Variants in TMTC1 observed in about 807,000 individuals in gnomAD.
TMTC1 encodes the protein transmembrane O-mannosyltransferase targeting cadherins 1.
In TMTC1, 73 loss-of-function variants were observed where a neutral mutation model predicts 104.8. That is an observed-to-expected ratio of 0.70 (90% CI 0.58 to 0.85). TMTC1 has a LOEUF of 0.85. Ranked by LOEUF, TMTC1 falls within the 40% of genes least tolerant of loss-of-function variation. The pLI is 0.00. For synonymous variants in TMTC1, 434 were observed against 428.7 expected, an observed-to-expected ratio of 1.01 and a Z score of -0.15; for missense variants, 1,035 against 1,096.1, an observed-to-expected ratio of 0.94 and a Z score of 0.79.
At chr12:29,714,421 G>T (rs535121042) in intron 5 of TMTC1, among the ~76,000 whole-genome samples, 1 of 152,252 alleles carries the variant, frequency 6.6e-6, no homozygotes, top group African/African-American at 2.4e-5. Flanking sequence ...CTTCATTGAG[G>T]ATATTCTTAA....
Position 29,751,845 on chromosome 12 carries a change from G to A in TMTC1, c.759C>T (p.Ser253=), listed in dbSNP as rs1281757720. 1.3e-6 allele frequency: 2 copies of A among 1,588,256 alleles called. No individual in the cohort carries two copies. The highest frequency in any genetic ancestry group is 1.7e-6 in the Non-Finnish European group (2 of 1,167,196). Residue 253 remains serine, a synonymous_variant, in exon 5 of 18, where the codon AGC becomes AGT. Transcript: ENST00000539277. ...GCTGGGGGCTCCCGGGCTGCTGTGG[G>A]CTGCGTGGACAGAGGGCCCCATTGC... ...KSSNGALCPR[S]PQQPGSPQPS...
chr12:29,678,318 A>G (rs915582610), intron 5 of TMTC1, among the ~76,000 whole-genome samples: 2 of 152,202 alleles, frequency 1.3e-5, no homozygotes, highest in African/African-American at 4.8e-5. Context: ...TGAGCACACA[A>G]CTTCTCTGCT....
chr12:29,750,837 T>C (rs918581954), intron 5 of TMTC1, among the ~76,000 whole-genome samples: 2 of 152,210 alleles, frequency 1.3e-5, no homozygotes, highest in African/African-American at 4.8e-5. Context: ...AACTAACCTC[T>C]AACTAGGGAC....
chr12:29,549,699 C>G, intron 10 of TMTC1, among the ~76,000 whole-genome samples: 1 of 152,182 alleles, frequency 6.6e-6, no homozygotes, highest in Admixed American at 6.5e-5. Context: ...TAATATTTCA[C>G]CTTGAATGAC....
intron 5 of TMTC1, among the ~76,000 whole-genome samples, chr12:29,652,784 G>A (rs76001557): frequency 0.032 from 4,860 of 152,284 alleles, 189 homozygotes; most frequent in Middle Eastern, 0.092. Context: ...TATCTTCGCT[G>A]GGCACAGTGG....
At chr12:29,623,842 A>AAAAT (rs1937821255) in intron 6 of TMTC1, among the ~76,000 whole-genome samples, 1 of 152,056 alleles carries the variant, frequency 6.6e-6, no homozygotes, top group Admixed American at 6.6e-5. Context: ...AAATTAAATT[A>AAAAT]AATTAAATTA....
At chr12:29,603,552 A>G (rs888853884) in intron 7 of TMTC1, among the ~76,000 whole-genome samples, 1 of 152,168 alleles carries the variant, frequency 6.6e-6, no homozygotes, top group Admixed American at 6.5e-5. Flanking sequence ...TTCCTGATTC[A>G]GTGACATTTT....
At chr12:29,597,406 C>T (rs1056314836) in intron 7 of TMTC1, among the ~76,000 whole-genome samples, 46 of 151,990 alleles carry the variant, frequency 3.0e-4, no homozygotes, top group African/African-American at 1.0e-3. Context: ...ATCACCTGTT[C>T]CTGCTGCTTA....
chr12:29,557,079 A>T, intron 9 of TMTC1, 79 bp from the exon 10 acceptor site: 1 of 1,488,232 alleles, frequency 6.7e-7, no homozygotes, highest in Non-Finnish European at 9.1e-7. Context: ...TTCTTCCCCC[A>T]AGTATGAACA....
chr12:29,554,953 G>C (rs556892848), intron 10 of TMTC1, among the ~76,000 whole-genome samples: 1 of 152,080 alleles, frequency 6.6e-6, no homozygotes, highest in African/African-American at 2.4e-5. Context: ...ATCCCATATA[G>C]GACCAATTTA....
intron 7 of TMTC1, among the ~76,000 whole-genome samples, chr12:29,600,670 G>A (rs1404317545): frequency 6.6e-6 from 1 of 152,174 alleles, no homozygotes; most frequent in African/African-American, 2.4e-5. Context: ...AATGAGGTCA[G>A]GACTGTAAAC....
At chr12:29,698,380 T>C (rs1435956952) in intron 5 of TMTC1, among the ~76,000 whole-genome samples, 1 of 152,160 alleles carries the variant, frequency 6.6e-6, no homozygotes, top group Admixed American at 6.5e-5. Flanking sequence ...GCCCTGTGTG[T>C]GTTAATAAAA....
chr12:29,696,269 C>A (rs1276826520), intron 5 of TMTC1, among the ~76,000 whole-genome samples: 1 of 151,984 alleles, frequency 6.6e-6, no homozygotes, highest in South Asian at 2.1e-4. Flanking sequence ...GCAGTTTACA[C>A]AAGGATAGAA....
intron 5 of TMTC1, among the ~76,000 whole-genome samples, chr12:29,696,831 C>T (rs1159525708): frequency 6.6e-6 from 1 of 152,000 alleles, no homozygotes; most frequent in African/African-American, 2.4e-5. Context: ...ATAAATTTTT[C>T]ATTTCCTTAT....
At chr12:29,528,342 A>G (rs1944405801) in intron 11 of TMTC1, among the ~76,000 whole-genome samples, 1 of 152,168 alleles carries the variant, frequency 6.6e-6, no homozygotes, top group South Asian at 2.1e-4. Flanking sequence ...TGACATATTA[A>G]TACCGTCTGC....
chr12:29,648,678 C>T (rs1408306912), intron 5 of TMTC1, among the ~76,000 whole-genome samples: 2 of 151,944 alleles, frequency 1.3e-5, no homozygotes, highest in East Asian at 3.9e-4. Context: ...TAGTCCAGTG[C>T]CATCCAATAG....
At chr12:29,643,700 T>A (rs943769964) in intron 5 of TMTC1, among the ~76,000 whole-genome samples, 46 of 1,308 alleles carry the variant, frequency 0.035, 6 homozygotes, top group African/African-American at 0.056. Context: ...ATTATATATA[T>A]TATATATTAT....
chr12:29,642,940 C>G (rs1041651832), intron 5 of TMTC1, among the ~76,000 whole-genome samples: 4 of 148,134 alleles, frequency 2.7e-5, no homozygotes, highest in African/African-American at 1.0e-4. Context: ...AAAAAACTCC[C>G]AAACAAACAA....
At chr12:29,563,491 G>T (rs1342470787) in intron 9 of TMTC1, among the ~76,000 whole-genome samples, 4 of 152,080 alleles carry the variant, frequency 2.6e-5, no homozygotes, top group African/African-American at 9.7e-5. Context: ...GTGGGGAGGA[G>T]AGTGGGTATG....
Sources: allele counts gnomAD v4.1 joint callset (sites outside exome capture counted in the v4.1 genomes callset), GRCh38; gene constraint gnomAD v4.1.1; transcripts MANE v1.5; gene names NCBI Gene and HGNC (gene_info 2026-07-23, HGNC 2026-07-21).